Variants in CACNA1C observed in about 807,000 individuals in gnomAD.
The protein encoded by CACNA1C is voltage-dependent L-type calcium channel subunit alpha-1C.
Under a neutral mutation model 229.0 loss-of-function variants are expected in CACNA1C, and 30 were observed. That is an observed-to-expected ratio of 0.13 (90% CI 0.10 to 0.18). The LOEUF (loss-of-function observed/expected upper bound fraction) is 0.18, where lower values mean the gene tolerates loss of function less well. Ranked by LOEUF, CACNA1C falls within the 10% of genes least tolerant of loss-of-function variation. The pLI, the probability that CACNA1C is intolerant of heterozygous loss-of-function variation, is 1.00. For synonymous variants in CACNA1C, 1,114 were observed against 1,132.5 expected (o/e 0.98, Z 0.33); for missense variants, 1,658 against 2,845.0 (o/e 0.58, Z 9.49).
rs951753362 is a variant in CACNA1C, at chr12:2,285,656, G to A, written c.478-163320G>A. ...GTGATGGACGAGACTTACTTTCGAC[G>A]TTCCTAGGCTCCCTTCCACCGTTCC... On this transcript the variant is annotated intron_variant, in intron 3 of 46. Transcript: ENST00000399655. The surrounding 1 kb of genome is among the most constrained non-coding windows in gnomAD (Gnocchi z 4.2). Among the ~76,000 whole-genome samples, 1 of 152,278 alleles carries A rather than the reference G, an allele frequency of 6.6e-6. No individual in the cohort carries two copies. The highest frequency in any genetic ancestry group is 1.9e-4 in the East Asian group (1 of 5,178).
intron 3 of CACNA1C, among the ~76,000 whole-genome samples, chr12:2,211,685 C>T (rs1456277058): frequency 6.7e-6 from 1 of 149,408 alleles, no homozygotes; most frequent in Admixed American, 6.7e-5. Flanking sequence ...TTGGCTCCTC[C>T]TTTCTTTCAC....
intron 1 of CACNA1C, among the ~76,000 whole-genome samples, chr12:2,104,376 G>A (rs1300877304): frequency 1.3e-5 from 2 of 152,114 alleles, no homozygotes; most frequent in Non-Finnish European, 2.9e-5. Context: ...CTGTCTGTCC[G>A]TTATTGGTGT....
intron 3 of CACNA1C, among the ~76,000 whole-genome samples, chr12:2,325,747 T>C (rs978143928): frequency 2.0e-5 from 3 of 152,270 alleles, no homozygotes; most frequent in Non-Finnish European, 4.4e-5. Context: ...ACTTCACTTA[T>C]GCATCAGCCC....
chr12:2,564,042 C>T (rs2048929882), intron 11 of CACNA1C, among the ~76,000 whole-genome samples: 1 of 152,204 alleles, frequency 6.6e-6, no homozygotes, highest in African/African-American at 2.4e-5. Flanking sequence ...GAAACGGACT[C>T]ATGCCATGGA....
chr12:2,329,430 T>C (rs2096463774), intron 3 of CACNA1C, among the ~76,000 whole-genome samples: 1 of 152,180 alleles, frequency 6.6e-6, no homozygotes, highest in South Asian at 2.1e-4. Context: ...AAGAGTCCCT[T>C]CACCTGCAGT....
intron 3 of CACNA1C, among the ~76,000 whole-genome samples, chr12:2,313,338 A>G (rs557558948): frequency 2.6e-5 from 4 of 152,310 alleles, no homozygotes; most frequent in African/African-American, 9.6e-5. Context: ...GCCTCCTTGC[A>G]GGTGATCATT....
At chr12:2,328,258 C>G (rs1487699201) in intron 3 of CACNA1C, among the ~76,000 whole-genome samples, 3 of 152,220 alleles carry the variant, frequency 2.0e-5, no homozygotes, top group Non-Finnish European at 2.9e-5. Context: ...ACCTGGGTAG[C>G]AGAACCTCCC....
chr12:2,112,716 C>G (rs960045649), intron 1 of CACNA1C, among the ~76,000 whole-genome samples: 1 of 152,158 alleles, frequency 6.6e-6, no homozygotes, highest in Non-Finnish European at 1.5e-5. Context: ...TGGGATCATG[C>G]AGGGGTGGTA....
chr12:2,561,292 C>T (rs2047353980), intron 11 of CACNA1C, among the ~76,000 whole-genome samples: 1 of 152,190 alleles, frequency 6.6e-6, no homozygotes, highest in Non-Finnish European at 1.5e-5. Context: ...GGACCCTTCT[C>T]GCCTAAGGTG....
chr12:2,666,865 G>C lies in CACNA1C; in HGVS notation c.4623+83G>C. The C allele has an allele frequency of 2.5e-6, 2 of 814,240 alleles. No individual in the cohort carries two copies. The highest frequency in any genetic ancestry group is 4.0e-5 in the Admixed American group (2 of 49,910). The allele number at this position is 814,240 out of a possible 1,614,324, so 50.4% of individuals were successfully genotyped here. A position where few individuals can be genotyped will look rare whatever the true frequency, so the allele number is the denominator to read the frequency against. ...ATTTCTTGTGATCCTTTAAGGGAATGAACATACTAGTTTATGTGCCTAAAG... is the reference window on the plus strand; with the variant it reads ...ATTTCTTGTGATCCTTTAAGGGAATCAACATACTAGTTTATGTGCCTAAAG... On this transcript the variant is annotated intron_variant, in intron 37 of 46. Transcript: ENST00000399655. This position sits in a 1 kb window ranked among gnomAD's most constrained non-coding sequence, Gnocchi z 5.3.
rs2085434564 is a variant in CACNA1C, at chr12:2,624,905, G to A, written c.3829-9392G>A. On this transcript the variant is annotated intron_variant, in intron 29 of 46. Transcript: ENST00000399655. The stretch of plus-strand genomic sequence containing the variant: ...CCGGGAAAGAAGGGCAGCAGCTGCG[G>A]ATGAAATGCGGCAACTCTTGCCCCA... 2.6e-5 allele frequency among the ~76,000 whole-genome samples: 4 copies of A among 152,236 alleles called. No individual in the cohort carries two copies. In the South Asian group the frequency reaches 8.3e-4, roughly 32 times the overall value.
chr12:2,041,583 G>T (rs7300631), intron 1 of CACNA1C, among the ~76,000 whole-genome samples: 76 of 152,076 alleles, frequency 5.0e-4, no homozygotes, highest in African/African-American at 1.7e-3. Context: ...GCCCGCTAAG[G>T]GTATTCTTGA....
intron 1 of CACNA1C, among the ~76,000 whole-genome samples, chr12:2,075,552 C>T (rs897174864): frequency 2.0e-5 from 3 of 152,218 alleles, no homozygotes; most frequent in Admixed American, 6.5e-5. Context: ...GCTTCTAAAA[C>T]GCTTTGCCAT....
chr12:2,171,659 T>C (rs946792277), intron 3 of CACNA1C, among the ~76,000 whole-genome samples: 3 of 152,156 alleles, frequency 2.0e-5, no homozygotes, highest in African/African-American at 7.2e-5. Context: ...ATGCTGGAAA[T>C]GCAGTGAAGA....
chr12:2,525,108 C>CT (rs1277342210), intron 9 of CACNA1C, among the ~76,000 whole-genome samples: 1 of 152,198 alleles, frequency 6.6e-6, no homozygotes, highest in African/African-American at 2.4e-5. Context: ...AGACTGGGAC[C>CT]TGGTCCCAAA....
At chr12:2,673,021 C>T (rs2096632555) in intron 38 of CACNA1C, among the ~76,000 whole-genome samples, 1 of 152,210 alleles carries the variant, frequency 6.6e-6, no homozygotes, top group Non-Finnish European at 1.5e-5. Flanking sequence ...CCTCTGCATG[C>T]TCTGCCCTGT....
At position 2,226,544 on chromosome 12, in the gene CACNA1C, C is replaced by A. The variant is rs145106510; in HGVS notation, c.477+106114C>A. Among the ~76,000 whole-genome samples the A allele has an allele frequency of 1.3e-5, 2 of 152,292 alleles. 1 individual carries two copies. Among genetic ancestry groups the A allele is most frequent in the African/African-American group, 4.8e-5 (2 of 41,552 alleles). ...AAAGATTTCAAGCCCCATCTAGATA[C>A]CTAGTTTTCCTCTCCATATCTCATG... On this transcript the variant is annotated intron_variant, in intron 3 of 46. Coordinates refer to ENST00000399655, the MANE Select transcript of CACNA1C (RefSeq NM_000719.7).
intron 1 of CACNA1C, among the ~76,000 whole-genome samples, chr12:2,087,117 G>A (rs1423914916): frequency 6.6e-6 from 1 of 152,054 alleles, no homozygotes; most frequent in Non-Finnish European, 1.5e-5. Flanking sequence ...AGCCCTCTTG[G>A]CCATTGGTAC....
chr12:2,175,544 C>T (rs1225731175), intron 3 of CACNA1C, among the ~76,000 whole-genome samples: 1 of 151,390 alleles, frequency 6.6e-6, no homozygotes, highest in African/African-American at 2.4e-5. Context: ...CCTGTTGTGA[C>T]ACTGAGATGG....
Sources: gnomAD v4.1 joint callset for allele counts (sites outside exome capture counted in the v4.1 genomes callset) on GRCh38, gnomAD v4.1.1 for gene constraint, Gnocchi (gnomAD v3.1) non-coding constraint, MANE v1.5 for transcripts, NCBI Gene and HGNC (gene_info 2026-07-23, HGNC 2026-07-21) for gene names.